The following PLOD2 variants were observed in gnomAD, a reference collection of about 807,000 sequenced individuals.
PLOD2 encodes the protein lysine hydroxylase 2.
PLOD2 carries 65 observed loss-of-function variants against 101.0 expected under a neutral mutation model. The ratio of observed to expected loss-of-function variants is 0.64; its 90% CI spans 0.53 to 0.79. The LOEUF (loss-of-function observed/expected upper bound fraction) is 0.79. Ranked by LOEUF, PLOD2 falls within the 30% of genes least tolerant of loss-of-function variation. The pLI is 0.00. For synonymous variants in PLOD2, 314 were observed against 302.9 expected (o/e 1.04, Z -0.38); for missense variants, 909 against 914.6 (o/e 0.99, Z 0.08).
intron 1 of PLOD2, among the ~76,000 whole-genome samples, chr3:146,131,586 T>C (rs949811317): frequency 6.6e-6 from 1 of 152,242 alleles, no homozygotes; most frequent in African/African-American, 2.4e-5. Flanking sequence ...ATGTGAATTA[T>C]GACCTCAGGG....
At chr3:146,122,124 T>C (rs1322963147) in intron 2 of PLOD2, among the ~76,000 whole-genome samples, 1 of 152,224 alleles carries the variant, frequency 6.6e-6, no homozygotes, top group African/African-American at 2.4e-5. Flanking sequence ...GTTCTAACTT[T>C]ACTTAATACT....
rs79731165 is a variant in PLOD2, at chr3:146,088,888, C to T, written c.880-177G>A. ...AACACTTGAAACAAATTTTTGTGGCCCCCCCAATCAAAGTGATTTTACTGA... is the reference window on the plus strand; with the variant it reads ...AACACTTGAAACAAATTTTTGTGGCTCCCCCAATCAAAGTGATTTTACTGA... On this transcript the variant is annotated intron_variant, in intron 8 of 19. Coordinates refer to ENST00000282903, the MANE Select transcript of PLOD2 (RefSeq NM_182943.3). 2,946 of 582,384 alleles carry T rather than the reference C, an allele frequency of 5.1e-3. 66 individuals are homozygous for T. The highest frequency in any genetic ancestry group is 0.049 in the African/African-American group (2,583 of 53,046). The allele number at this position is 582,384 out of a possible 1,614,324, so 36.1% of individuals were successfully genotyped here. A position where few individuals can be genotyped will look rare whatever the true frequency, so the allele number is the denominator to read the frequency against.
At position 146,161,027 on chromosome 3, in the gene PLOD2, C is replaced by T. The variant is rs781766778; in HGVS notation, c.-38G>A. ...AGGGCCGCGCGGGCTCAGGCGCCCA[C>T]GGCCCCGCAGCGCCGCGCTTCTCGC... On this transcript the variant is annotated 5_prime_UTR_variant, in exon 1 of 20. In the 5' UTR this introduces an upstream ATG that the reference lacks. Transcript: ENST00000282903. 2 of 1,363,516 alleles carry T rather than the reference C, an allele frequency of 1.5e-6. No homozygotes were observed. Among genetic ancestry groups the T allele is most frequent in the Non-Finnish European group, 1.0e-6 (1 of 977,710 alleles). The allele number at this position is 1,363,516 out of a possible 1,614,324, so 84.5% of individuals were successfully genotyped here.
intron 1 of PLOD2, among the ~76,000 whole-genome samples, chr3:146,150,938 C>G (rs1197423199): frequency 6.6e-6 from 1 of 152,096 alleles, no homozygotes; most frequent in African/African-American, 2.4e-5. Context: ...CACTTGGAAC[C>G]TTTTTAAATG....
Position 146,086,824 on chromosome 3 carries a change from CT to C in PLOD2, c.1089del (p.Glu364LysfsTer3). ...CTGGCTTCCGCTTGACTTAGATTTT[CT>C]TCTGGTCCTACTATTTTTATAGTTT... ...EIKTIKIVGP[E>X]ENLSQAEARN... On this transcript the variant is annotated frameshift_variant, in exon 10 of 20. Transcript: ENST00000282903. LOFTEE classifies it high-confidence loss of function. The C allele has an allele frequency of 1.3e-6, 2 of 1,521,826 alleles. No homozygotes were observed. Among genetic ancestry groups the C allele is most frequent in the Non-Finnish European group, 1.8e-6 (2 of 1,118,150 alleles). 94.3% of individuals were successfully genotyped at this position (1,521,826 alleles called of 1,614,324 possible).
intron 1 of PLOD2, among the ~76,000 whole-genome samples, chr3:146,148,844 C>T (rs937046828): frequency 1.3e-5 from 2 of 152,166 alleles, no homozygotes; most frequent in Non-Finnish European, 2.9e-5. Context: ...TACACTGTCT[C>T]AGTGTATATG....
At chr3:146,126,725 A>G (rs58874363) in intron 1 of PLOD2, among the ~76,000 whole-genome samples, 22,331 of 152,192 alleles carry the variant, frequency 0.15, 1,727 homozygotes, top group East Asian at 0.24. Flanking sequence ...GCTATAAAAA[A>G]GCATTTGTGA....
At chr3:146,154,073 A>G (rs1003643424) in intron 1 of PLOD2, among the ~76,000 whole-genome samples, 6 of 152,204 alleles carry the variant, frequency 3.9e-5, no homozygotes, top group Non-Finnish European at 7.3e-5. Context: ...CTATCAGTGT[A>G]ACAAATGATA....
intron 11 of PLOD2, among the ~76,000 whole-genome samples, chr3:146,083,581 T>C (rs61031700): frequency 0.098 from 2,806 of 28,594 alleles, 125 homozygotes; most frequent in African/African-American, 0.18. Flanking sequence ...CTTTTTCTTT[T>C]TTTTTTTTTT....
At position 146,089,766 on chromosome 3, in the gene PLOD2, A is replaced by G. The variant is rs577593723; in HGVS notation, c.880-1055T>C. Among the ~76,000 whole-genome samples, 39 of 151,722 alleles carry G rather than the reference A, an allele frequency of 2.6e-4. No individual in the cohort carries two copies. The East Asian group carries it at 6.6e-3, about 26-fold the overall frequency. On this transcript the variant is annotated intron_variant, in intron 8 of 19. Coordinates refer to ENST00000282903, the MANE Select transcript of PLOD2 (RefSeq NM_182943.3). ...AATAAACAAATACAAAGAACACAAA[A>G]TATCTACTCTCCAGTAGTTCTCAAT... is the stretch of plus-strand genomic sequence containing the variant.
chr3:146,126,500 C>T (rs1232978476), intron 1 of PLOD2, among the ~76,000 whole-genome samples: 1 of 151,942 alleles, frequency 6.6e-6, no homozygotes, highest in East Asian at 1.9e-4. Flanking sequence ...ACCATTTATG[C>T]TACAAATTTA....
At chr3:146,149,577 T>A (rs60811409) in intron 1 of PLOD2, among the ~76,000 whole-genome samples, 48,556 of 151,540 alleles carry the variant, frequency 0.32, 7,989 homozygotes, top group South Asian at 0.41. Flanking sequence ...TAATACTTCA[T>A]TTTTTAAAAA....
chr3:146,102,968 G>A (rs1333947116), intron 6 of PLOD2, 116 bp from the exon 7 acceptor site: 2 of 651,170 alleles, frequency 3.1e-6, no homozygotes, highest in Non-Finnish European at 5.6e-6. Flanking sequence ...TCTCATGGAT[G>A]TAATATTCCA....
chr3:146,144,541 T>C (rs2031681329), intron 1 of PLOD2, among the ~76,000 whole-genome samples: 1 of 152,122 alleles, frequency 6.6e-6, no homozygotes, highest in Non-Finnish European at 1.5e-5. Context: ...GAACTTTTCC[T>C]ATAAAAATAG....
At chr3:146,152,752 T>C (rs531900911) in intron 1 of PLOD2, among the ~76,000 whole-genome samples, 88 of 152,170 alleles carry the variant, frequency 5.8e-4, no homozygotes, top group Non-Finnish European at 1.0e-3. Context: ...GTTTTATATA[T>C]ACATTATTTT....
intron 1 of PLOD2, among the ~76,000 whole-genome samples, chr3:146,125,063 A>ACAAATGC (rs2030470577): frequency 6.8e-6 from 1 of 146,044 alleles, no homozygotes; most frequent in Admixed American, 7.0e-5. Flanking sequence ...AAGTGCATCA[A>ACAAATGC]CAAATGCCAA....
At chr3:146,106,678 G>A (rs532912839) in intron 4 of PLOD2, 34 bp from the exon 5 acceptor site, 3 of 1,121,314 alleles carry the variant, frequency 2.7e-6, no homozygotes, top group South Asian at 1.2e-5. Context: ...AGATAATTTA[G>A]GATTCAAAGA....
chr3:146,111,463 G>C (rs1050324370), intron 3 of PLOD2, among the ~76,000 whole-genome samples: 1 of 151,996 alleles, frequency 6.6e-6, no homozygotes, highest in African/African-American at 2.4e-5. Flanking sequence ...GGAGGGAAAA[G>C]TAGTATCTAT....
chr3:146,153,955 T>C lies in PLOD2; in HGVS notation c.109+6926A>G, dbSNP rs1054418078. Among the ~76,000 whole-genome samples, 25 of 152,254 alleles carry C rather than the reference T, an allele frequency of 1.6e-4. No individual in the cohort carries two copies. In the South Asian group the frequency reaches 2.5e-3, roughly 15 times the overall value. On this transcript the variant is annotated intron_variant, in intron 1 of 19. Coordinates refer to ENST00000282903, the MANE Select transcript of PLOD2 (RefSeq NM_182943.3). ...CTAGAAAGCAAATGAGAAAGTTCTT[T>C]GTAAAAATTTGAGAATATAACCCCA...
Sources: allele counts gnomAD v4.1 joint callset (sites outside exome capture counted in the v4.1 genomes callset), GRCh38; gene constraint gnomAD v4.1.1; transcripts MANE v1.5; gene names NCBI Gene and HGNC (gene_info 2026-07-23, HGNC 2026-07-21).